Variants in TENM3 observed in about 807,000 individuals in gnomAD.
TENM3 encodes the protein teneurin-3.
A neutral mutation model predicts 255.1 loss-of-function variants in TENM3; 63 were observed. The observed-to-expected ratio is 0.25, with a 90% CI of 0.20 to 0.30. The LOEUF is 0.30. Ranked by LOEUF, TENM3 falls within the 10% of genes least tolerant of loss-of-function variation. The pLI, the probability that TENM3 is intolerant of heterozygous loss-of-function variation, is 1.00. For missense variants in TENM3, 2,929 were observed against 3,461.1 expected (o/e 0.85, Z 3.86); for synonymous variants, 1,306 against 1,322.3 (o/e 0.99, Z 0.27).
the TENM3 span, among the ~76,000 whole-genome samples, chr4:181,943,711 T>C: frequency 6.6e-6 from 1 of 152,162 alleles, no homozygotes; most frequent in African/African-American, 2.4e-5. Flanking sequence ...GTAGAAGCAA[T>C]TGAACACATA....
the TENM3 span, among the ~76,000 whole-genome samples, chr4:181,551,549 G>A: frequency 1.1e-4 from 17 of 152,008 alleles, no homozygotes; most frequent in Non-Finnish European, 1.5e-5. Context: ...CTTTTCCTGG[G>A]GGAAAATATC....
chr4:182,702,645 G>C (rs555108599), intron 12 of TENM3, among the ~76,000 whole-genome samples: 25 of 152,064 alleles, frequency 1.6e-4, no homozygotes, highest in African/African-American at 6.0e-4. Flanking sequence ...AGAAACTGAG[G>C]CTCCAAAAGG....
intron 3 of TENM3, among the ~76,000 whole-genome samples, chr4:182,537,317 A>T (rs1368065980): frequency 6.6e-6 from 1 of 152,018 alleles, no homozygotes; most frequent in Non-Finnish European, 1.5e-5. Context: ...TAATTGCAGG[A>T]TCTAAACTCT....
intron 2 of TENM3, among the ~76,000 whole-genome samples, chr4:182,336,677 G>C (rs139451333): frequency 7.7e-4 from 117 of 152,294 alleles, no homozygotes; most frequent in Middle Eastern, 3.4e-3. Flanking sequence ...AATTCAGGGT[G>C]AACTTCAGAT....
At position 182,645,968 on chromosome 4, in the gene TENM3, A is replaced by G. The variant is rs541114698; in HGVS notation, c.989-7803A>G. Among the ~76,000 whole-genome samples the G allele has an allele frequency of 1.4e-4, 21 of 152,312 alleles. No homozygotes were observed. In the South Asian group the frequency reaches 3.9e-3, roughly 29 times the overall value. The stretch of plus-strand genomic sequence containing the variant: ...GGGGCCATCTCAGAGGCTACCTACT[A>G]CAGTGGCTTAACATGATGGTTTATT... On this transcript the variant is annotated intron_variant, in intron 5 of 27. Transcript: ENST00000511685.
Position 182,173,094 on chromosome 4 carries a change from C to A in TENM3, c.-76+28340C>A, listed in dbSNP as rs146510723. Among the ~76,000 whole-genome samples the A allele has an allele frequency of 3.9e-5, 6 of 152,308 alleles. No individual in the cohort carries two copies. The East Asian group carries it at 1.2e-3, about 29-fold the overall frequency. On this transcript the variant is annotated intron_variant, in intron 1 of 2. Coordinates refer to the TENM3 transcript ENST00000512480. ...AAACAAAAAGCTATTTATTCCCAAT[C>A]TCACTGTCTTAATGAACTTTTATGT...
the TENM3 span, among the ~76,000 whole-genome samples, chr4:181,470,119 A>AAAAAAC: frequency 1.6e-4 from 20 of 126,648 alleles, no homozygotes; most frequent in African/African-American, 5.2e-4. Context: ...AAAAAAAAAA[A>AAAAAAC]AAAAAACATT....
chr4:181,757,023 C>T, the TENM3 span, among the ~76,000 whole-genome samples: 1 of 152,100 alleles, frequency 6.6e-6, no homozygotes, highest in Non-Finnish European at 1.5e-5. Flanking sequence ...AAATCTAGTT[C>T]CAATTATGTT....
intron 1 of TENM3, among the ~76,000 whole-genome samples, chr4:182,283,523 T>C (rs1333409187): frequency 6.6e-6 from 1 of 152,144 alleles, no homozygotes; most frequent in African/African-American, 2.4e-5. Flanking sequence ...CGGTACACTT[T>C]CTAGGATAAA....
At chr4:181,525,646 G>GT in the TENM3 span, among the ~76,000 whole-genome samples, 10 of 151,988 alleles carry the variant, frequency 6.6e-5, no homozygotes, top group South Asian at 2.1e-4. Flanking sequence ...TTCCCCCTGT[G>GT]TTTTTTTGTT....
the TENM3 span, among the ~76,000 whole-genome samples, chr4:181,956,521 A>G: frequency 6.6e-6 from 1 of 152,216 alleles, no homozygotes; most frequent in Admixed American, 6.5e-5. Flanking sequence ...TATGCAGCAC[A>G]TAGTAGGTAT....
At chr4:181,705,900 A>G in the TENM3 span, among the ~76,000 whole-genome samples, 4 of 152,192 alleles carry the variant, frequency 2.6e-5, no homozygotes, top group African/African-American at 7.2e-5. Flanking sequence ...TACTGGTTTC[A>G]TTTAATATAA....
intron 1 of TENM3, among the ~76,000 whole-genome samples, chr4:182,237,910 A>C (rs1030466812): frequency 6.6e-6 from 1 of 152,214 alleles, no homozygotes; most frequent in Non-Finnish European, 1.5e-5. Context: ...AAGAATCCCA[A>C]AGGAATTTTG....
At chr4:182,588,308 G>A (rs1383776738) in intron 3 of TENM3, among the ~76,000 whole-genome samples, 9 of 152,076 alleles carry the variant, frequency 5.9e-5, no homozygotes, top group Admixed American at 2.0e-4. Context: ...TTTTATTTGT[G>A]ATATGTTATC....
chr4:182,226,158 C>G (rs1756142955), intron 1 of TENM3, among the ~76,000 whole-genome samples: 3 of 152,014 alleles, frequency 2.0e-5, no homozygotes, highest in Admixed American at 2.0e-4. Context: ...GACCGAAAAG[C>G]TGGGTGGGGT....
chr4:181,954,709 A>T, the TENM3 span, among the ~76,000 whole-genome samples: 2 of 152,164 alleles, frequency 1.3e-5, no homozygotes, highest in Non-Finnish European at 2.9e-5. Flanking sequence ...ATTCTAACGA[A>T]TGTCAATTTT....
At chr4:182,497,975 GAT>G (rs922211859) in intron 3 of TENM3, among the ~76,000 whole-genome samples, 5 of 151,372 alleles carry the variant, frequency 3.3e-5, no homozygotes, top group African/African-American at 1.2e-4. Flanking sequence ...AGAATACTTA[GAT>G]ATCAGTTGTT....
intron 3 of TENM3, among the ~76,000 whole-genome samples, chr4:182,505,559 A>C: frequency 6.6e-6 from 1 of 151,438 alleles, no homozygotes; most frequent in East Asian, 1.9e-4. Flanking sequence ...GCTCACTGCA[A>C]CCTCCACCTC....
At chr4:181,885,202 C>A in the TENM3 span, among the ~76,000 whole-genome samples, 1 of 152,172 alleles carries the variant, frequency 6.6e-6, no homozygotes, top group Admixed American at 6.5e-5. Context: ...GAAATTTTCT[C>A]GCTCAGTCCC....
Sources: allele counts gnomAD v4.1 joint callset (sites outside exome capture counted in the v4.1 genomes callset), GRCh38; gene constraint gnomAD v4.1.1; transcripts MANE v1.5; gene names NCBI Gene and HGNC (gene_info 2026-07-23, HGNC 2026-07-21).